SEMA6D: variants seen among roughly 807,000 people sequenced by gnomAD.
The protein encoded by SEMA6D is semaphorin 6D, also known as semaphorin-6D.
A neutral mutation model predicts 106.6 loss-of-function variants in SEMA6D; 35 were observed. The ratio of observed to expected loss-of-function variants is 0.33; its 90% CI spans 0.25 to 0.44. The LOEUF is 0.44. Ranked by LOEUF, SEMA6D falls within the 20% of genes least tolerant of loss-of-function variation. SEMA6D has a pLI of 1.00. For missense variants in SEMA6D, 1,185 were observed against 1,345.9 expected (o/e 0.88, Z 1.87); for synonymous variants, 499 against 487.7 (o/e 1.02, Z -0.31).
At chr15:47,313,866 A>G (rs539860652) in intron 1 of SEMA6D, among the ~76,000 whole-genome samples, 1 of 152,302 alleles carries the variant, frequency 6.6e-6, no homozygotes, top group East Asian at 1.9e-4. Context: ...GCCAGGCCCA[A>G]ATTCTGGCGT....
intron 3 of SEMA6D, among the ~76,000 whole-genome samples, chr15:47,501,436 G>A (rs1373321749): frequency 6.6e-6 from 1 of 152,188 alleles, no homozygotes; most frequent in Non-Finnish European, 1.5e-5. Flanking sequence ...ATGGACTTGG[G>A]GGAAAGATCC....
chr15:47,204,194 G>C (rs1894897701), intron 1 of SEMA6D, among the ~76,000 whole-genome samples: 1 of 152,144 alleles, frequency 6.6e-6, no homozygotes, highest in African/African-American at 2.4e-5. Context: ...CTATTCAAAA[G>C]CATTGAAGCC....
intron 3 of SEMA6D, among the ~76,000 whole-genome samples, chr15:47,509,465 G>C (rs971733694): frequency 1.3e-5 from 2 of 152,046 alleles, no homozygotes; most frequent in African/African-American, 4.8e-5. Context: ...CCCCTTCTTG[G>C]AATCTATGAT....
At chr15:47,483,725 A>G (rs2043217573) in intron 3 of SEMA6D, among the ~76,000 whole-genome samples, 1 of 152,200 alleles carries the variant, frequency 6.6e-6, no homozygotes, top group Admixed American at 6.6e-5. Context: ...TTACTATAGA[A>G]CAACCATAAA....
At chr15:47,735,616 C>T (rs1313750896) in intron 1 of SEMA6D, among the ~76,000 whole-genome samples, 4 of 152,160 alleles carry the variant, frequency 2.6e-5, no homozygotes, top group African/African-American at 9.7e-5. Flanking sequence ...TTTTTAGATA[C>T]ATCTTCAGTT....
chr15:47,227,569 T>TCTCACACACA lies in SEMA6D; in HGVS notation c.-239+43152_-239+43153insTCACACACAC, dbSNP rs142672147. 5.1e-4 allele frequency among the ~76,000 whole-genome samples: 65 copies of TCTCACACACA among 127,956 alleles called. 1 individual carries two copies. Among genetic ancestry groups the TCTCACACACA allele is most frequent in the Admixed American group, 1.3e-3 (16 of 12,498 alleles). 83.9% of individuals were successfully genotyped at this position (127,956 alleles called of 152,430 possible). A position where few individuals can be genotyped will look rare whatever the true frequency, so the allele number is the denominator to read the frequency against. On this transcript the variant is annotated intron_variant, in intron 1 of 19. Transcript: ENST00000558014. ...CTCTCTCTCTGTCTCTCTCTCTCTC[T>TCTCACACACA]CACACACACACACACACACACACAC... is the stretch of plus-strand genomic sequence containing the variant.
chr15:47,744,712 A>C (rs2081025301), intron 1 of SEMA6D, among the ~76,000 whole-genome samples: 1 of 152,234 alleles, frequency 6.6e-6, no homozygotes, highest in East Asian at 1.9e-4. Context: ...TCAGCGTCAC[A>C]GATCAGAGGC....
chr15:47,643,037 GAA>G (rs2077518245), intron 4 of SEMA6D, among the ~76,000 whole-genome samples: 1 of 152,010 alleles, frequency 6.6e-6, no homozygotes, highest in Non-Finnish European at 1.5e-5. Context: ...AAGAGAGAGA[GAA>G]ATAGGAACAA....
chr15:47,530,494 C>T lies in SEMA6D; in HGVS notation c.-87+59949C>T, dbSNP rs1192627128. On this transcript the variant is annotated intron_variant, in intron 3 of 19. Transcript: ENST00000558014. ...TATAAAATATATACGTAAACTCAAA[C>T]CTTTCTTCTCTTTTAACAAATCCTC... Among the ~76,000 whole-genome samples the T allele has an allele frequency of 2.0e-5, 3 of 152,162 alleles. 1 individual carries two copies. Among genetic ancestry groups the T allele is most frequent in the African/African-American group, 7.2e-5 (3 of 41,434 alleles).
Position 47,575,732 on chromosome 15 carries a change from A to G in SEMA6D, c.-86-25133A>G, listed in dbSNP as rs909492725. On this transcript the variant is annotated intron_variant, in intron 3 of 19. Coordinates refer to the SEMA6D transcript ENST00000558014. The stretch of plus-strand genomic sequence containing the variant: ...AGACTCCATCTCAAAACAAAAAAAA[A>G]AGAGAGAAGAAGTTGGTGCTTTCAC... 4.6e-5 allele frequency among the ~76,000 whole-genome samples: 7 copies of G among 152,218 alleles called. 1 individual carries two copies. The highest frequency in any genetic ancestry group is 1.7e-4 in the African/African-American group (7 of 41,498).
intron 1 of SEMA6D, among the ~76,000 whole-genome samples, chr15:47,195,579 C>A (rs781313700): frequency 6.6e-6 from 1 of 152,038 alleles, no homozygotes; most frequent in African/African-American, 2.4e-5. Context: ...CATGGTCTTA[C>A]CAGATGTCAA....
rs1173992222 is a variant in SEMA6D at position 47,314,849 on chromosome 15, C to CT, written c.-238-97510dup. ...ATCAAACCCAAATCATCTAGGTTTT[C>CT]TTTTTTTTTTTTTTTTTTTTTTTTT... On this transcript the variant is annotated intron_variant, in intron 1 of 19. Coordinates refer to the SEMA6D transcript ENST00000558014. Among the ~76,000 whole-genome samples the CT allele has an allele frequency of 6.3e-4, 53 of 83,914 alleles. 8 individuals carry two copies. Among genetic ancestry groups the CT allele is most frequent in the African/African-American group, 2.7e-3 (50 of 18,836 alleles). The allele number at this position is 83,914 out of a possible 152,430, so 55.1% of individuals were successfully genotyped here.
intron 1 of SEMA6D, among the ~76,000 whole-genome samples, chr15:47,292,444 T>C (rs1407920276): frequency 6.6e-6 from 1 of 152,224 alleles, no homozygotes; most frequent in African/African-American, 2.4e-5. Context: ...AAATGAGTTT[T>C]TTGTTTTCCT....
intron 2 of SEMA6D, among the ~76,000 whole-genome samples, chr15:47,437,027 A>G: frequency 9.7e-6 from 1 of 103,232 alleles, no homozygotes; most frequent in Non-Finnish European, 1.9e-5. Context: ...AAAGAAAGAG[A>G]GAAGGGAGGG....
Position 47,270,157 on chromosome 15 carries a change from TTATAAA to T in SEMA6D, c.-239+85744_-239+85749del, listed in dbSNP as rs565873466. Reference sequence around the variant, plus strand: ...ATATATTTGTATATAATAAAATATGTTATAAATATATTTATTATAGTTATATTTTAT... The same window carrying T: ...ATATATTTGTATATAATAAAATATGTTATATTTATTATAGTTATATTTTAT... On this transcript the variant is annotated intron_variant, in intron 1 of 19. Coordinates refer to the SEMA6D transcript ENST00000558014. Among the ~76,000 whole-genome samples, 558 of 148,258 alleles carry T rather than the reference TTATAAA, an allele frequency of 3.8e-3. 1 individual carries two copies. The highest frequency in any genetic ancestry group is 0.013 in the African/African-American group (533 of 40,952).
chr15:47,447,881 G>A (rs1433569744), intron 2 of SEMA6D, among the ~76,000 whole-genome samples: 1 of 152,174 alleles, frequency 6.6e-6, no homozygotes, highest in Non-Finnish European at 1.5e-5. Flanking sequence ...GAATTGAATT[G>A]TATTGGAGGA....
chr15:47,731,181 C>T (rs2146681432), intron 1 of SEMA6D, among the ~76,000 whole-genome samples: 1 of 152,160 alleles, frequency 6.6e-6, no homozygotes, highest in East Asian at 1.9e-4. Context: ...AGTTTTGAGA[C>T]TCAATTTTCA....
chr15:47,553,370 T>C (rs1040589206), intron 3 of SEMA6D, among the ~76,000 whole-genome samples: 3 of 152,282 alleles, frequency 2.0e-5, no homozygotes, highest in Admixed American at 1.3e-4. Context: ...TTTAACTATA[T>C]GGCTGTAAAA....
chr15:47,247,576 A>T (rs2141869736), intron 1 of SEMA6D, among the ~76,000 whole-genome samples: 1 of 152,290 alleles, frequency 6.6e-6, no homozygotes, highest in South Asian at 2.1e-4. Flanking sequence ...CTGACAGTGG[A>T]ACTATAATAG....
Sources: gnomAD v4.1 joint callset for allele counts (sites outside exome capture counted in the v4.1 genomes callset) on GRCh38, gnomAD v4.1.1 for gene constraint, MANE v1.5 for transcripts, NCBI Gene and HGNC (gene_info 2026-07-23, HGNC 2026-07-21) for gene names.